Variants in SLC49A4 observed in about 807,000 individuals in gnomAD.
SLC49A4 encodes the protein solute carrier family 49 member 4.
In SLC49A4, 36 loss-of-function variants were observed where a neutral mutation model predicts 50.6. That is an observed-to-expected ratio of 0.71 (90% CI 0.55 to 0.94). The LOEUF (loss-of-function observed/expected upper bound fraction) is 0.94, where lower values mean the gene tolerates loss of function less well. SLC49A4 is among the 40% of genes least tolerant of loss of function. The pLI is 0.00. For synonymous variants in SLC49A4, 248 were observed against 241.2 expected (o/e 1.03, Z -0.26); for missense variants, 503 against 605.7 (o/e 0.83, Z 1.78).
chr3:122,852,189 G>T (rs988449535), intron 5 of SLC49A4, among the ~76,000 whole-genome samples: 6 of 151,940 alleles, frequency 3.9e-5, no homozygotes, highest in Non-Finnish European at 8.8e-5. Context: ...ACGGGGTTTT[G>T]CCATGTTAGC....
At chr3:122,800,193 T>A (rs1032060302) in intron 1 of SLC49A4, among the ~76,000 whole-genome samples, 2 of 151,924 alleles carry the variant, frequency 1.3e-5, no homozygotes, top group African/African-American at 4.8e-5. Flanking sequence ...TGGAGAAGGG[T>A]GGAGCTTCCC....
intron 7 of SLC49A4, among the ~76,000 whole-genome samples, chr3:122,866,532 A>G (rs996606984): frequency 6.6e-6 from 1 of 152,044 alleles, no homozygotes; most frequent in African/African-American, 2.4e-5. Context: ...AGAAGACATC[A>G]CCTGTTTTGT....
intron 7 of SLC49A4, among the ~76,000 whole-genome samples, chr3:122,870,974 A>T (rs933021846): frequency 2.0e-5 from 3 of 152,038 alleles, no homozygotes; most frequent in African/African-American, 7.3e-5. Context: ...GATTTATTTG[A>T]TCTACATCTA....
chr3:122,870,012 A>C (rs534589242), intron 7 of SLC49A4, among the ~76,000 whole-genome samples: 2 of 146,918 alleles, frequency 1.4e-5, no homozygotes, highest in Middle Eastern at 7.0e-3. Context: ...GTGTTATTAT[A>C]TTTTCATTAT....
chr3:122,828,645 G>A (rs1315629072), intron 3 of SLC49A4, among the ~76,000 whole-genome samples: 1 of 152,200 alleles, frequency 6.6e-6, no homozygotes, highest in Non-Finnish European at 1.5e-5. Context: ...CTGTATGTCA[G>A]AGAGTTATTT....
intron 7 of SLC49A4, among the ~76,000 whole-genome samples, chr3:122,862,510 A>C (rs1312112840): frequency 6.6e-6 from 1 of 152,228 alleles, no homozygotes; most frequent in Non-Finnish European, 1.5e-5. Context: ...AAGTATTCTG[A>C]GCCAGAGCCA....
chr3:122,801,300 G>A (rs1440541881), intron 1 of SLC49A4, among the ~76,000 whole-genome samples: 3 of 152,170 alleles, frequency 2.0e-5, no homozygotes, highest in Non-Finnish European at 4.4e-5. Flanking sequence ...CCATGGTTGA[G>A]GAATGGGGTA....
intron 1 of SLC49A4, among the ~76,000 whole-genome samples, chr3:122,798,199 G>A (rs937401479): frequency 1.3e-5 from 2 of 152,072 alleles, no homozygotes; most frequent in African/African-American, 4.8e-5. Flanking sequence ...AACAAGGTTG[G>A]CTAAATTCAG....
At chr3:122,839,339 A>C (rs1010278133) in intron 4 of SLC49A4, among the ~76,000 whole-genome samples, 1 of 152,192 alleles carries the variant, frequency 6.6e-6, no homozygotes, top group Non-Finnish European at 1.5e-5. Flanking sequence ...CTAGGCAAAG[A>C]ATTCATGACT....
chr3:122,798,804 GT>G (rs1426555947), intron 1 of SLC49A4, among the ~76,000 whole-genome samples: 1 of 151,572 alleles, frequency 6.6e-6, no homozygotes, highest in Non-Finnish European at 1.5e-5. Flanking sequence ...AGCCTGGCTA[GT>G]TTTTTGTATT....
chr3:122,849,980 C>T (rs1277867686), intron 5 of SLC49A4, among the ~76,000 whole-genome samples: 2 of 151,810 alleles, frequency 1.3e-5, no homozygotes. Flanking sequence ...AACCCTTTTC[C>T]CTTTTAGAAA....
chr3:122,818,495 A>G (rs181529273), intron 2 of SLC49A4, among the ~76,000 whole-genome samples: 8 of 152,294 alleles, frequency 5.3e-5, no homozygotes, highest in Admixed American at 1.3e-4. Context: ...ATGTATTAAT[A>G]TATACTCTTA....
chr3:122,804,080 A>T (rs1936174634), intron 1 of SLC49A4, among the ~76,000 whole-genome samples: 1 of 152,174 alleles, frequency 6.6e-6, no homozygotes, highest in African/African-American at 2.4e-5. Context: ...TCATTGGCTC[A>T]TGGTTCTGCG....
intron 4 of SLC49A4, among the ~76,000 whole-genome samples, chr3:122,844,784 A>C (rs1339361685): frequency 6.9e-6 from 1 of 144,292 alleles, no homozygotes; most frequent in African/African-American, 2.6e-5. Context: ...CTCCATCTTC[A>C]AAAAAAAAAA....
chr3:122,798,881 C>G (rs1165487743), intron 1 of SLC49A4, among the ~76,000 whole-genome samples: 1 of 151,940 alleles, frequency 6.6e-6, no homozygotes, highest in Non-Finnish European at 1.5e-5. Context: ...TCAAGCAAGG[C>G]ACCAAAATAT....
intron 4 of SLC49A4, among the ~76,000 whole-genome samples, chr3:122,836,882 A>C (rs1188484086): frequency 6.6e-6 from 1 of 152,202 alleles, no homozygotes; most frequent in Non-Finnish European, 1.5e-5. Context: ...ATACAAAATT[A>C]ATGTACAAAA....
At chr3:122,820,887 G>C (rs1240397967) in intron 2 of SLC49A4, among the ~76,000 whole-genome samples, 2 of 152,222 alleles carry the variant, frequency 1.3e-5, no homozygotes, top group Non-Finnish European at 2.9e-5. Flanking sequence ...CAATGCAGGA[G>C]AAGTTCCCCT....
intron 6 of SLC49A4, among the ~76,000 whole-genome samples, chr3:122,859,090 C>T (rs533384480): frequency 2.6e-5 from 4 of 152,226 alleles, no homozygotes; most frequent in African/African-American, 9.6e-5. Flanking sequence ...AGAGAAAGTG[C>T]TATGAAGAAA....
chr3:122,847,411 G>A (rs758969378), intron 5 of SLC49A4, among the ~76,000 whole-genome samples: 2 of 149,332 alleles, frequency 1.3e-5, no homozygotes, highest in African/African-American at 2.5e-5. Context: ...GCAGTGGCGC[G>A]ATCTCAGCTC....
Sources: gnomAD v4.1 joint callset for allele counts (sites outside exome capture counted in the v4.1 genomes callset) on GRCh38, gnomAD v4.1.1 for gene constraint, MANE v1.5 for transcripts, NCBI Gene and HGNC (gene_info 2026-07-23, HGNC 2026-07-21) for gene names.